The following SLC52A3 variants were observed in gnomAD, a reference collection of about 807,000 sequenced individuals.
The protein encoded by SLC52A3 is solute carrier family 52, riboflavin transporter, member 3.
Under a neutral mutation model 29.5 loss-of-function variants are expected in SLC52A3, and 20 were observed. That is an observed-to-expected ratio of 0.68 (90% CI 0.48 to 0.99). SLC52A3 has a LOEUF of 0.99. Ranked by LOEUF, SLC52A3 falls within the 50% of genes least tolerant of loss-of-function variation. SLC52A3 has a pLI of 0.00. For missense variants in SLC52A3, 548 were observed against 612.9 expected (o/e 0.89, Z 1.12); for synonymous variants, 301 against 271.0 (o/e 1.11, Z -1.09).
Position 765,104 on chromosome 20 carries a change from T to C in SLC52A3, c.567+104A>G. 12 of 1,322,180 alleles carry C rather than the reference T, an allele frequency of 9.1e-6. No individual in the cohort carries two copies. The highest frequency in any genetic ancestry group is 2.3e-5 in the East Asian group (1 of 42,886). 81.9% of individuals were successfully genotyped at this position (1,322,180 alleles called of 1,614,324 possible). On this transcript the variant is annotated intron_variant, in intron 2 of 4. Transcript: ENST00000645534. This position sits in a 1 kb window ranked among gnomAD's most constrained non-coding sequence, Gnocchi z 6.6. ...ATCTGCCTTATGTCAGTTTAACTCA[T>C]AGGCCGACCAAAGAACCTAGAAGGA...
At chr20:775,716 C>T (rs1986997923) in intron 1 of SLC52A3, among the ~76,000 whole-genome samples, 1 of 152,140 alleles carries the variant, frequency 6.6e-6, no homozygotes, top group African/African-American at 2.4e-5. Context: ...ACCTGGATGG[C>T]TCAGCCTGTC....
chr20:776,848 A>G (rs35656450), upstream of SLC52A3, among the ~76,000 whole-genome samples: 20,962 of 129,408 alleles, frequency 0.16, 2,196 homozygotes, highest in East Asian at 0.58. Context: ...TACAGGCTGA[A>G]TCGCTTTTGG....
At chr20:769,803 C>T (rs76275462), upstream of SLC52A3, among the ~76,000 whole-genome samples, 3,788 of 151,982 alleles carry the variant, frequency 0.025, 141 homozygotes, top group East Asian at 0.17. Context: ...AGGCTGAGGC[C>T]GGAGAACGGC....
rs1986669867 is a variant in SLC52A3, at chr20:765,829, G to T, written c.-51-4C>A. On this transcript the variant is annotated splice_polypyrimidine_tract_variant and splice_region_variant and intron_variant, in intron 1 of 4. Coordinates refer to ENST00000645534, the MANE Select transcript of SLC52A3 (RefSeq NM_033409.4). This position sits in a 1 kb window ranked among gnomAD's most constrained non-coding sequence, Gnocchi z 6.6. ...CTCAGATCAGCCTGCAGCGGGGCTG[G>T]CAGAGAAGGACACCAGGTGAGTAAT... 1 of 1,537,440 alleles carries T rather than the reference G, an allele frequency of 6.5e-7. No homozygotes were observed. Among genetic ancestry groups the T allele is most frequent in the Non-Finnish European group, 8.9e-7 (1 of 1,122,634 alleles).
At chr20:761,284 G>GAGTCAC in intron 4 of SLC52A3, 46 bp from the exon 5 acceptor site, 1 of 1,505,692 alleles carries the variant, frequency 6.6e-7, no homozygotes, top group Non-Finnish European at 8.9e-7. Flanking sequence ...GGGCTTGCGG[G>GAGTCAC]GCGAGCGCCG....
chr20:762,034 C>T (rs1986508422), intron 3 of SLC52A3, among the ~76,000 whole-genome samples: 1 of 152,216 alleles, frequency 6.6e-6, no homozygotes, highest in South Asian at 2.1e-4. Flanking sequence ...CAGGGCCTGG[C>T]ACCCCGGCAA....
chr20:771,593 C>A (rs185674763), upstream of SLC52A3, among the ~76,000 whole-genome samples: 2 of 150,034 alleles, frequency 1.3e-5, no homozygotes, highest in East Asian at 3.9e-4. Context: ...CTGTCCCAAC[C>A]AGGATTTGAT....
chr20:762,924 G>A (rs1986539125), intron 3 of SLC52A3, among the ~76,000 whole-genome samples: 1 of 152,206 alleles, frequency 6.6e-6, no homozygotes, highest in Non-Finnish European at 1.5e-5. Context: ...AGAACCGTCT[G>A]GTTTCCTTAC....
At chr20:761,348 C>A (rs1986468840) in intron 4 of SLC52A3, 110 bp from the exon 5 acceptor site, 2 of 1,230,412 alleles carry the variant, frequency 1.6e-6, no homozygotes. Context: ...TCTCTAGGTG[C>A]GAGGAGCGCC....
chr20:778,454 C>T (rs896660028), upstream of SLC52A3, among the ~76,000 whole-genome samples: 2 of 152,174 alleles, frequency 1.3e-5, no homozygotes, highest in Non-Finnish European at 2.9e-5. Context: ...TCATCTGACC[C>T]TTCTTTGAGT....
upstream of SLC52A3, among the ~76,000 whole-genome samples, chr20:776,678 C>A (rs200076263): frequency 2.0e-5 from 3 of 152,076 alleles, no homozygotes; most frequent in East Asian, 5.8e-4. Flanking sequence ...GGCCATGCCA[C>A]AGGGGAAATG....
upstream of SLC52A3, among the ~76,000 whole-genome samples, chr20:779,105 G>C (rs190001943): frequency 3.3e-5 from 5 of 152,256 alleles, no homozygotes; most frequent in Admixed American, 1.3e-4. Context: ...AGACGTGAAG[G>C]AAGTTTCTTT....
At chr20:774,433 G>C (rs548248445) in intron 1 of SLC52A3, among the ~76,000 whole-genome samples, 1 of 152,268 alleles carries the variant, frequency 6.6e-6, no homozygotes, top group African/African-American at 2.4e-5. Flanking sequence ...GACTGACTTT[G>C]AGCCCATGAA....
chr20:767,949 G>A (rs1009955840), intron 1 of SLC52A3, among the ~76,000 whole-genome samples: 6 of 152,158 alleles, frequency 3.9e-5, no homozygotes, highest in African/African-American at 1.4e-4. Flanking sequence ...CAGGAGTGAG[G>A]CTCTGGAGCC....
Position 763,713 on chromosome 20 carries a change from C to T in SLC52A3, c.858G>A (p.Gly286=), listed in dbSNP as rs752020540. 2.5e-6 allele frequency: 4 copies of T among 1,614,042 alleles called. No individual in the cohort carries two copies. Among genetic ancestry groups the T allele is most frequent in the Middle Eastern group, 1.6e-4 (1 of 6,084 alleles). ...AGTVDSSQGQ[G]YLEEKAAPCC... ...AGGGGGCTGCTTTCTCCTCTAGATACCCCTGGCCCTGGCTGCTGTCCACCG... is the reference window on the plus strand; with the variant it reads ...AGGGGGCTGCTTTCTCCTCTAGATATCCCTGGCCCTGGCTGCTGTCCACCG... The change falls in exon 3 of 5, where the codon GGG becomes GGA. Residue 286 remains glycine (G), a synonymous_variant. Coordinates refer to ENST00000645534, the MANE Select transcript of SLC52A3 (RefSeq NM_033409.4).
At chr20:761,607 C>A in intron 4 of SLC52A3, 94 bp downstream of exon 4, 1 of 1,564,934 alleles carries the variant, frequency 6.4e-7, no homozygotes, top group East Asian at 2.3e-5. Context: ...CCACAGACCC[C>A]GCTCGCTGGA....
At chr20:774,814 G>A (rs554498013) in intron 1 of SLC52A3, among the ~76,000 whole-genome samples, 1 of 152,330 alleles carries the variant, frequency 6.6e-6, no homozygotes, top group African/African-American at 2.4e-5. Flanking sequence ...CCAAGGCCCA[G>A]AGAGGAGATA....
chr20:774,286 G>A (rs1198850020), intron 1 of SLC52A3, among the ~76,000 whole-genome samples: 1 of 152,208 alleles, frequency 6.6e-6, no homozygotes, highest in Non-Finnish European at 1.5e-5. Context: ...GTGGCAGCCT[G>A]ACACTGGATA....
At chr20:769,910 TA>T (rs199560098), upstream of SLC52A3, among the ~76,000 whole-genome samples, 1 of 151,164 alleles carries the variant, frequency 6.6e-6, no homozygotes, top group East Asian at 1.9e-4. Context: ...AAAGAAAAAA[TA>T]AAAAAAAGGC....
Sources: allele counts gnomAD v4.1 joint callset (sites outside exome capture counted in the v4.1 genomes callset), GRCh38; gene constraint gnomAD v4.1.1; non-coding constraint Gnocchi (gnomAD v3.1); transcripts MANE v1.5; gene names NCBI Gene and HGNC (gene_info 2026-07-23, HGNC 2026-07-21).